The following HHIPL2 variants were observed in gnomAD, a reference collection of about 807,000 sequenced individuals.
The protein encoded by HHIPL2 is HHIP-like protein 2.
HHIPL2 carries 61 observed loss-of-function variants against 61.0 expected under a neutral mutation model. The ratio of observed to expected loss-of-function variants is 1.00; its 90% CI spans 0.81 to 1.24. HHIPL2 has a LOEUF of 1.24. HHIPL2 is among the 50% of genes most tolerant of loss of function. The probability of loss-of-function intolerance (pLI) is 0.00; values close to 1 mark genes in which losing one functional copy is unlikely to be tolerated. For missense variants in HHIPL2, 885 were observed against 910.2 expected, an observed-to-expected ratio of 0.97 and a Z score of 0.36; for synonymous variants, 343 against 357.4, an observed-to-expected ratio of 0.96 and a Z score of 0.45.
Position 222,522,727 on chromosome 1 carries a change from AC to A in HHIPL2, c.2048del (p.Gly683ValfsTer21). 2 of 1,614,042 alleles carry A rather than the reference AC, an allele frequency of 1.2e-6. No individual in the cohort carries two copies. The highest frequency in any genetic ancestry group is 3.3e-5 in the Admixed American group (2 of 60,008). ...GCCCCACTCTGGCTTTCTTCTTTGT[AC>A]CAGGCCCTCGCAATGTATTCTTGCT... Reference protein sequence around the residue: ...TSSKNTLRGPGTKKKARVGPH... With the variant: ...TSSKNTLRGPXTKKKARVGPH... On this transcript the variant is annotated frameshift_variant, in exon 9 of 9. Coordinates refer to ENST00000343410, the MANE Select transcript of HHIPL2 (RefSeq NM_024746.4). LOFTEE classifies it low-confidence loss of function (END_TRUNC).
At chr1:222,530,675 C>A (rs1237956350) in intron 6 of HHIPL2, among the ~76,000 whole-genome samples, 1 of 152,156 alleles carries the variant, frequency 6.6e-6, no homozygotes, top group Non-Finnish European at 1.5e-5. Context: ...GGGAAAGAAA[C>A]CAAATACTTC....
intron 6 of HHIPL2, 145 bp downstream of exon 6, chr1:222,531,821 A>G: frequency 1.8e-6 from 1 of 569,378 alleles, no homozygotes; most frequent in Non-Finnish European, 2.8e-6. Context: ...TGCTTAGAAT[A>G]GTATCCAGTA....
intron 6 of HHIPL2, among the ~76,000 whole-genome samples, chr1:222,529,583 T>G (rs1659146149): frequency 6.6e-6 from 1 of 152,150 alleles, no homozygotes; most frequent in African/African-American, 2.4e-5. Context: ...ATCTGTAGCA[T>G]CCAACTGATA....
chr1:222,532,067 T>C lies in HHIPL2; in HGVS notation c.1622A>G (p.Lys541Arg), dbSNP rs1418907124. Reference protein sequence around the residue: ...LQEDRKNKKWKKQDLCLGSTT... With the variant: ...LQEDRKNKKWRKQDLCLGSTT... The stretch of plus-strand genomic sequence containing the variant: ...GCTGCCCAGGCAAAGATCCTGCTTC[T>C]TCCATTTCTTGTTTTTTCTATCTTC... Residue 541 changes from lysine (K) to arginine (R), a missense_variant, in exon 6 of 9, where the codon AAG becomes AGG. Physicochemically the swap from Lys to Arg is conservative, Grantham distance 26. Transcript: ENST00000343410. 6.2e-7 allele frequency: 1 copy of C among 1,613,840 alleles called. No individual in the cohort carries two copies. The highest frequency in any genetic ancestry group is 8.5e-7 in the Non-Finnish European group (1 of 1,179,848).
chr1:222,525,928 G>A (rs1462680037), intron 7 of HHIPL2, among the ~76,000 whole-genome samples: 3 of 152,108 alleles, frequency 2.0e-5, no homozygotes, highest in East Asian at 3.8e-4. Context: ...GAACCCAGGA[G>A]GCAGAGGTTG....
intron 2 of HHIPL2, among the ~76,000 whole-genome samples, chr1:222,543,297 C>T (rs1659474446): frequency 6.6e-6 from 1 of 152,190 alleles, no homozygotes; most frequent in African/African-American, 2.4e-5. Flanking sequence ...CTTACTTACC[C>T]TTTGTAAAGA....
chr1:222,542,528 CTT>C (rs772394115), intron 2 of HHIPL2, among the ~76,000 whole-genome samples: 15 of 97,166 alleles, frequency 1.5e-4, no homozygotes, highest in African/African-American at 4.6e-4. Flanking sequence ...CCACATCTGG[CTT>C]TTTTTTTTTT....
intron 6 of HHIPL2, among the ~76,000 whole-genome samples, chr1:222,531,563 C>T (rs1210171485): frequency 6.6e-6 from 1 of 151,992 alleles, no homozygotes; most frequent in Non-Finnish European, 1.5e-5. Context: ...GCACGGCCAA[C>T]ACGGCAAAAC....
Position 222,542,021 on chromosome 1 carries a change from G to A in HHIPL2, c.1109C>T (p.Ala370Val), listed in dbSNP as rs768676465. 11 of 1,611,916 alleles carry A rather than the reference G, an allele frequency of 6.8e-6. No individual in the cohort carries two copies. Among genetic ancestry groups the A allele is most frequent in the Admixed American group, 1.7e-5 (1 of 59,372 alleles). Residue 370 changes from alanine (A) to valine (V), a missense_variant, in exon 3 of 9, where the codon GCT (alanine) becomes GTT (valine). Physicochemically the swap from Ala to Val is moderately conservative, Grantham distance 64 (BLOSUM62 0). Coordinates refer to ENST00000343410, the MANE Select transcript of HHIPL2 (RefSeq NM_024746.4). ...AGDPFGLFGN[A>V]QNKSSLLGKV... ...CCCCCATCCAGCTTACTTGTTCTGA[G>A]CATTTCCAAACAGGCCAAAGGGATC... is the stretch of plus-strand genomic sequence containing the variant.
At chr1:222,537,501 G>A (rs967727060) in intron 5 of HHIPL2, among the ~76,000 whole-genome samples, 3 of 151,340 alleles carry the variant, frequency 2.0e-5, no homozygotes, top group African/African-American at 7.3e-5. Context: ...CGTGGTGGCA[G>A]GCGCCTGTAG....
Position 222,544,107 on chromosome 1 carries a change from T to C in HHIPL2, c.404A>G (p.Asp135Gly). The C allele has an allele frequency of 6.2e-7, 1 of 1,614,098 alleles. No individual in the cohort carries two copies. Among genetic ancestry groups the C allele is most frequent in the Non-Finnish European group, 8.5e-7 (1 of 1,180,036 alleles). ...GTTAGAATGGAAGGCAGAGCAGTAA[T>C]CAGAGCAGAGGCCCGGGAGATTCCG... ...PLRNLPGLCS[D>G]YCSAFHSNCH... Residue 135 changes from aspartate (D) to glycine (G), a missense_variant, in exon 2 of 9, where the codon GAT becomes GGT. Asp to Gly is a moderately conservative substitution (Grantham distance 94, BLOSUM62 -1). Coordinates refer to ENST00000343410, the MANE Select transcript of HHIPL2 (RefSeq NM_024746.4).
chr1:222,541,718 T>C lies in HHIPL2; in HGVS notation c.1118+294A>G, dbSNP rs536002318. ...TGTTCAATAATATTATTGAGTTGAATTGAATTAGATGATTAGTGTGGTGAA... is the reference window on the plus strand; with the variant it reads ...TGTTCAATAATATTATTGAGTTGAACTGAATTAGATGATTAGTGTGGTGAA... On this transcript the variant is annotated intron_variant, in intron 3 of 8. Transcript: ENST00000343410. 1.1e-4 allele frequency among the ~76,000 whole-genome samples: 17 copies of C among 152,304 alleles called. No individual in the cohort carries two copies. In the East Asian group the frequency reaches 1.5e-3, roughly 14 times the overall value.
chr1:222,529,777 C>T (rs1659150237), intron 6 of HHIPL2, among the ~76,000 whole-genome samples: 1 of 152,194 alleles, frequency 6.6e-6, no homozygotes, highest in Admixed American at 6.5e-5. Flanking sequence ...CAGCTCCACA[C>T]CAGCCAGTCA....
chr1:222,545,604 G>A (rs1009186501), intron 1 of HHIPL2, among the ~76,000 whole-genome samples: 1 of 151,728 alleles, frequency 6.6e-6, no homozygotes, highest in Non-Finnish European at 1.5e-5. Flanking sequence ...GAATAGAAGG[G>A]GGCTGTGGAA....
In HHIPL2 at chr1:222,540,134, A is replaced by G. The variant is rs750267956; in HGVS notation, c.1326T>C (p.Cys442=). The G allele has an allele frequency of 1.9e-6, 3 of 1,614,254 alleles. No homozygotes were observed. Among genetic ancestry groups the G allele is most frequent in the Non-Finnish European group, 2.5e-6 (3 of 1,180,050 alleles). ...ITRQGRGRIF[C]GDVGQNRFEE... ...CAAACCTGTTCTGGCCCACGTCCCC[A>G]CAGAATATCCGGCCTCGGCCCTGGC... Residue 442 remains cysteine, a synonymous_variant, in exon 4 of 9, where the codon TGT becomes TGC. Coordinates refer to ENST00000343410, the MANE Select transcript of HHIPL2 (RefSeq NM_024746.4).
At position 222,544,001 on chromosome 1, in the gene HHIPL2, G is replaced by A. The variant is rs1159869166; in HGVS notation, c.510C>T (p.His170=). The part of the protein sequence containing the change: ...SHGRDGTRFC[H]LLDLPDKDYC... ...AGTCCTTGTCAGGAAGGTCCAGGAGGTGGCAGAAGCGGGTACCGTCCCTTC... is the reference window on the plus strand; with the variant it reads ...AGTCCTTGTCAGGAAGGTCCAGGAGATGGCAGAAGCGGGTACCGTCCCTTC... The change falls in exon 2 of 9, where the codon CAC becomes CAT. Residue 170 remains histidine (H), a synonymous_variant. Transcript: ENST00000343410. 6.2e-7 allele frequency: 1 copy of A among 1,614,052 alleles called. No homozygotes were observed. The highest frequency in any genetic ancestry group is 1.3e-5 in the African/African-American group (1 of 74,900).
At chr1:222,539,965 C>T (rs1571774480) in intron 4 of HHIPL2, 45 bp downstream of exon 4, 2 of 1,520,500 alleles carry the variant, frequency 1.3e-6, no homozygotes, top group Non-Finnish European at 1.8e-6. Context: ...CACCTCCAGC[C>T]CACTCAACTC....
At chr1:222,532,154 C>T in intron 5 of HHIPL2, 43 bp from the exon 6 acceptor site, 2 of 1,558,728 alleles carry the variant, frequency 1.3e-6, no homozygotes. Flanking sequence ...TCCATATATC[C>T]ACTCTGCAGA....
chr1:222,547,339 C>A (rs563763534), intron 1 of HHIPL2, among the ~76,000 whole-genome samples: 1 of 152,168 alleles, frequency 6.6e-6, no homozygotes, highest in East Asian at 1.9e-4. Flanking sequence ...TCCCTTAACG[C>A]GCTCGGTAAA....
Sources: gnomAD v4.1 joint callset for allele counts (sites outside exome capture counted in the v4.1 genomes callset) on GRCh38, gnomAD v4.1.1 for gene constraint, MANE v1.5 for transcripts, NCBI Gene and HGNC (gene_info 2026-07-23, HGNC 2026-07-21) for gene names.